Variants in TCF4 observed in about 807,000 individuals in gnomAD.
TCF4 encodes the protein SL3-3 enhancer factor 2.
Under a neutral mutation model 82.1 loss-of-function variants are expected in TCF4, and 3 were observed. That is an observed-to-expected ratio of 0.04 (90% CI 0.02 to 0.09). TCF4 has a LOEUF of 0.09. TCF4 is among the 10% of genes least tolerant of loss of function. TCF4 has a pLI of 1.00. For missense variants in TCF4, 518 were observed against 852.7 expected, an observed-to-expected ratio of 0.61 and a Z score of 4.89; for synonymous variants, 276 against 309.6, an observed-to-expected ratio of 0.89 and a Z score of 1.14.
intron 5 of TCF4, among the ~76,000 whole-genome samples, chr18:55,445,880 T>A (rs562587589): frequency 6.6e-6 from 1 of 152,228 alleles, no homozygotes; most frequent in Non-Finnish European, 1.5e-5. Flanking sequence ...AGAAAATTCA[T>A]GTTGATCCAT....
intron 3 of TCF4, among the ~76,000 whole-genome samples, chr18:55,561,453 T>G (rs2097354337): frequency 6.6e-6 from 1 of 152,220 alleles, no homozygotes. Context: ...AGTGAATGTG[T>G]AAACAAATGC....
chr18:55,401,339 T>C (rs903194398), intron 6 of TCF4: 148 of 1,151,974 alleles, frequency 1.3e-4, no homozygotes, highest in Non-Finnish European at 1.4e-4. Context: ...AGCACAGAGA[T>C]AGTAGACTCT....
rs991548024 is a variant in TCF4, at chr18:55,374,669, G to A, written c.370-23666C>T. Among the ~76,000 whole-genome samples, 8 of 151,952 alleles carry A rather than the reference G, an allele frequency of 5.3e-5. No homozygotes were observed. In the South Asian group the frequency reaches 1.7e-3, roughly 32 times the overall value. ...TAATCCCAGCAGTTTGGGAGGCTAA[G>A]GCAGGCAGATGGCTAAGTCCAGGAG... On this transcript the variant is annotated intron_variant, in intron 6 of 19. Transcript: ENST00000354452.
At chr18:55,523,294 A>G (rs2096948673) in intron 3 of TCF4, among the ~76,000 whole-genome samples, 1 of 152,028 alleles carries the variant, frequency 6.6e-6, no homozygotes, top group Admixed American at 6.6e-5. Flanking sequence ...CTTCTATAAA[A>G]CTGACCCAAG....
chr18:55,366,832 T>C (rs765735006), intron 6 of TCF4, among the ~76,000 whole-genome samples: 13 of 152,220 alleles, frequency 8.5e-5, no homozygotes, highest in Non-Finnish European at 1.6e-4. Context: ...GTTTGCTCCA[T>C]GGTCATTTTT....
rs948966413 is a variant in TCF4 at position 55,468,892 on chromosome 18, C to T, written c.146-4755G>A. 8.1e-4 allele frequency among the ~76,000 whole-genome samples: 54 copies of T among 66,482 alleles called. 2 individuals carry two copies. Among genetic ancestry groups the T allele is most frequent in the Non-Finnish European group, 1.6e-3 (45 of 27,854 alleles). 43.6% of individuals were successfully genotyped at this position (66,482 alleles called of 152,430 possible). On this transcript the variant is annotated intron_variant, in intron 3 of 19. Transcript: ENST00000354452. Reference sequence around the variant, plus strand: ...TCTATTTAGTTCTCGCCCCCCCCCCCCTTGTTCTATTGCCACCCTTTTTCC... The same window carrying T: ...TCTATTTAGTTCTCGCCCCCCCCCCTCTTGTTCTATTGCCACCCTTTTTCC...
intron 2 of TCF4, among the ~76,000 whole-genome samples, chr18:55,613,402 G>A (rs778189455): frequency 2.6e-5 from 4 of 151,952 alleles, no homozygotes; most frequent in African/African-American, 4.8e-5. Context: ...CTTTTGGTCT[G>A]GCTTTTTAAA....
At chr18:55,518,992 T>C (rs1028989723) in intron 3 of TCF4, 1 of 152,138 alleles carries the variant, frequency 6.6e-6, no homozygotes, top group Non-Finnish European at 1.5e-5. Context: ...CAGACTATTA[T>C]CTGAATGTCA....
intron 3 of TCF4, among the ~76,000 whole-genome samples, chr18:55,530,701 G>A (rs2097052920): frequency 6.6e-6 from 1 of 151,938 alleles, no homozygotes; most frequent in African/African-American, 2.4e-5. Flanking sequence ...AAAACAAAAT[G>A]AAAAAGATAT....
chr18:55,515,201 TGA>T (rs1396036892), intron 3 of TCF4, among the ~76,000 whole-genome samples: 2 of 151,860 alleles, frequency 1.3e-5, no homozygotes, highest in Non-Finnish European at 2.9e-5. Context: ...GGCAAGTAGA[TGA>T]GAGAGAAAAA....
At position 55,229,405 on chromosome 18, in the gene TCF4, C is replaced by T. The variant is rs935833063; in HGVS notation, c.1650-329G>A. On this transcript the variant is annotated intron_variant, in intron 17 of 19. Coordinates refer to ENST00000354452, the MANE Select transcript of TCF4 (RefSeq NM_001083962.2). Reference sequence around the variant, plus strand: ...GCTTTTTTTATTCAATGGGGTTACACTCTGCAAAGCAGGCATTCACCAACT... The same window carrying T: ...GCTTTTTTTATTCAATGGGGTTACATTCTGCAAAGCAGGCATTCACCAACT... The T allele has an allele frequency of 5.5e-5, 20 of 365,138 alleles. 1 individual carries two copies. Among genetic ancestry groups the T allele is most frequent in the Non-Finnish European group, 1.0e-4 (20 of 193,154 alleles). 22.6% of individuals were successfully genotyped at this position (365,138 alleles called of 1,614,324 possible).
intron 3 of TCF4, among the ~76,000 whole-genome samples, chr18:55,491,342 G>T (rs919539954): frequency 6.6e-6 from 1 of 152,118 alleles, no homozygotes; most frequent in South Asian, 2.1e-4. Flanking sequence ...AAACAGGGGT[G>T]CAAAGGATAC....
chr18:55,343,914 C>G (rs2080584317), intron 8 of TCF4, among the ~76,000 whole-genome samples: 1 of 152,124 alleles, frequency 6.6e-6, no homozygotes, highest in Non-Finnish European at 1.5e-5. Context: ...GGCTGAAAAT[C>G]CTGTGCTATT....
intron 2 of TCF4, among the ~76,000 whole-genome samples, chr18:55,621,300 A>T (rs890047588): frequency 4.7e-5 from 7 of 149,430 alleles, no homozygotes; most frequent in African/African-American, 1.7e-4. Flanking sequence ...TGCACAGTAA[A>T]TGCTCAAAAA....
intron 5 of TCF4, among the ~76,000 whole-genome samples, chr18:55,437,342 A>C (rs1283199642): frequency 6.6e-6 from 1 of 152,218 alleles, no homozygotes; most frequent in Non-Finnish European, 1.5e-5. Context: ...TAGGGCCAGT[A>C]GATTAAATCT....
chr18:55,288,169 T>C (rs1240815653), intron 8 of TCF4, among the ~76,000 whole-genome samples: 1 of 152,200 alleles, frequency 6.6e-6, no homozygotes, highest in African/African-American at 2.4e-5. Flanking sequence ...ATAGAACATT[T>C]GAGATTTAAG....
At chr18:55,523,412 G>A (rs2096949830) in intron 3 of TCF4, among the ~76,000 whole-genome samples, 1 of 151,700 alleles carries the variant, frequency 6.6e-6, no homozygotes, top group South Asian at 2.1e-4. Context: ...ACCCTGGCAG[G>A]TCTTATCAGT....
chr18:55,314,155 C>T (rs751475453), intron 8 of TCF4, among the ~76,000 whole-genome samples: 3 of 152,080 alleles, frequency 2.0e-5, no homozygotes, highest in African/African-American at 4.8e-5. Flanking sequence ...CATCAACACA[C>T]AAAAAGGCAC....
At chr18:55,554,491 A>T (rs537246468) in intron 3 of TCF4, among the ~76,000 whole-genome samples, 1 of 152,226 alleles carries the variant, frequency 6.6e-6, no homozygotes, top group South Asian at 2.1e-4. Flanking sequence ...TGAAATTCTT[A>T]TATTTTTTAT....
Sources: allele counts gnomAD v4.1 joint callset (sites outside exome capture counted in the v4.1 genomes callset), GRCh38; gene constraint gnomAD v4.1.1; transcripts MANE v1.5; gene names NCBI Gene and HGNC (gene_info 2026-07-23, HGNC 2026-07-21).